NEIL1: variants seen among roughly 807,000 people sequenced by gnomAD.
The protein encoded by NEIL1 is nei like DNA glycosylase 1, also known as endonuclease 8-like 1.
Under a neutral mutation model 44.2 loss-of-function variants are expected in NEIL1, and 31 were observed. That is an observed-to-expected ratio of 0.70 (90% CI 0.53 to 0.95). The LOEUF is 0.95. NEIL1 is among the 40% of genes least tolerant of loss of function. NEIL1 has a pLI of 0.00. For synonymous variants in NEIL1, 254 were observed against 209.7 expected (o/e 1.21, Z -1.83); for missense variants, 549 against 515.5 (o/e 1.07, Z -0.63).
At chr15:75,351,969 T>C (rs1045184176) in intron 2 of NEIL1, 142 bp from the exon 3 acceptor site, 42 of 723,554 alleles carry the variant, frequency 5.8e-5, no homozygotes, top group South Asian at 2.2e-4. Context: ...ATTTAACAGA[T>C]AGGAAAACGG....
At chr15:75,349,378 C>A in intron 2 of NEIL1, 39 bp downstream of exon 2, 1 of 1,544,648 alleles carries the variant, frequency 6.5e-7, no homozygotes, top group Non-Finnish European at 8.8e-7. Context: ...TAGTCGCGGG[C>A]TCCACACCTG....
chr15:75,354,356 C>G, intron 7 of NEIL1, 75 bp from the exon 8 acceptor site: 1 of 1,611,118 alleles, frequency 6.2e-7, no homozygotes, highest in Non-Finnish European at 8.5e-7. Flanking sequence ...CCTTCTCCAC[C>G]CTATCCCCCT....
rs5745931 is a variant in NEIL1 at position 75,354,511 on chromosome 15, G to A, written c.936+19G>A. The A allele has an allele frequency of 2.7e-5, 44 of 1,613,790 alleles. No individual in the cohort carries two copies. Among genetic ancestry groups the A allele is most frequent in the African/African-American group, 2.7e-4 (20 of 74,916 alleles). On this transcript the variant is annotated intron_variant, in intron 8 of 9. Coordinates refer to ENST00000355059, the MANE Select transcript of NEIL1 (RefSeq NM_024608.4). ...AGTGGAGGTATGGCTGCCTGCTCCC[G>A]CCTCCTCCCCTGCACTCTGCAGCCC...
Position 75,355,688 on chromosome 15 carries a change from G to A in NEIL1, c.*654G>A. The A allele has an allele frequency of 1.8e-6, 1 of 563,572 alleles. No individual in the cohort carries two copies. Among genetic ancestry groups the A allele is most frequent in the Non-Finnish European group, 3.1e-6 (1 of 319,944 alleles). 34.9% of individuals were successfully genotyped at this position (563,572 alleles called of 1,614,324 possible). A position where few individuals can be genotyped will look rare whatever the true frequency, so the allele number is the denominator to read the frequency against. On this transcript the variant is annotated 3_prime_UTR_variant, in exon 10 of 10. Coordinates refer to ENST00000355059, the MANE Select transcript of NEIL1 (RefSeq NM_024608.4). ...GACCCTGCACGCACAGGTACCTTAG[G>A]ATCTTGCCCCTACCCACCAAATACC...
intron 2 of NEIL1, 190 bp downstream of exon 2, chr15:75,349,529 T>C: frequency 1.6e-6 from 1 of 611,338 alleles, no homozygotes; most frequent in Non-Finnish European, 2.8e-6. Flanking sequence ...CAAAACTAAT[T>C]GGGGGCCGGG....
At chr15:75,353,974 A>G (rs2072139693) in intron 6 of NEIL1, 108 bp downstream of exon 6, 10 of 1,420,868 alleles carry the variant, frequency 7.0e-6, no homozygotes, top group South Asian at 1.2e-5. Context: ...TAGACCCTCC[A>G]AGGACCACAC....
intron 2 of NEIL1, among the ~76,000 whole-genome samples, chr15:75,350,581 G>T (rs1244898472): frequency 6.6e-6 from 1 of 152,166 alleles, no homozygotes; most frequent in East Asian, 1.9e-4. Flanking sequence ...CTGTGCGTCC[G>T]TTGACCCTTA....
chr15:75,352,701 G>C lies in NEIL1; in HGVS notation c.718G>C (p.Gly240Arg). Residue 240 changes from glycine to arginine, a missense_variant and splice_region_variant, in exon 5 of 10, where the codon GGG becomes CGG. Physicochemically the swap from Gly to Arg is moderately radical, Grantham distance 125. Transcript: ENST00000355059. ...AGTGCCCAAGGAAGTGGTCCAGTTG[G>C]GTGAGGCCAAAGATGGCAGCAACCT... The part of the protein sequence containing the change: ...HSVPKEVVQL[G>R]GKGYGSESGE... 6.2e-7 allele frequency: 1 copy of C among 1,608,828 alleles called. No individual in the cohort carries two copies. The highest frequency in any genetic ancestry group is 8.5e-7 in the Non-Finnish European group (1 of 1,177,522).
chr15:75,349,196 C>G lies in NEIL1; in HGVS notation c.291C>G (p.Ala97=). The change falls in exon 2 of 10, where the codon GCC becomes GCG. Residue 97 remains alanine (A), a synonymous_variant. Coordinates refer to ENST00000355059, the MANE Select transcript of NEIL1 (RefSeq NM_024608.4). ...LVPREELPRH[A]HLRFYTAPPG... ...CCCGCGAGGAGCTGCCACGCCATGC[C>G]CACCTGCGCTTTTACACGGCCCCGC... is the stretch of plus-strand genomic sequence containing the variant. 1 of 1,609,278 alleles carries G rather than the reference C, an allele frequency of 6.2e-7. No homozygotes were observed. Among genetic ancestry groups the G allele is most frequent in the African/African-American group, 1.3e-5 (1 of 75,068 alleles).
intron 5 of NEIL1, chr15:75,353,169 G>A (rs968813493): frequency 4.4e-5 from 8 of 179,884 alleles, no homozygotes; most frequent in Non-Finnish European, 7.1e-5. Flanking sequence ...AAAAAACAGT[G>A]TTTCCTCCAA....
At position 75,349,036 on chromosome 15, in the gene NEIL1, C is replaced by A. The variant is rs1348165160; in HGVS notation, c.131C>A (p.Ala44Asp). The change falls in exon 2 of 10, where the codon GCC (alanine) becomes GAC (aspartate). Residue 44 changes from alanine to aspartate, a missense_variant. Ala to Asp is a moderately radical substitution (Grantham distance 126, BLOSUM62 -2). Transcript: ENST00000355059. The stretch of plus-strand genomic sequence containing the variant: ...CCTGAGGTGCCCTTTGAGAGCAGTG[C>A]CTACCGCATCTCAGCTTCAGCCCGC... ...RNPEVPFESS[A>D]YRISASARGK... 1.2e-6 allele frequency: 2 copies of A among 1,613,724 alleles called. No individual in the cohort carries two copies. Among genetic ancestry groups the A allele is most frequent in the Admixed American group, 1.7e-5 (1 of 60,030 alleles).
chr15:75,355,784 C>A lies in NEIL1; in HGVS notation c.*750C>A. On this transcript the variant is annotated 3_prime_UTR_variant, in exon 10 of 10. Coordinates refer to ENST00000355059, the MANE Select transcript of NEIL1 (RefSeq NM_024608.4). ...GAGGATGGGCCCTAAGGGGACTGAGCAGCAGGGTTCCCGATCCAAGGATTT... is the reference window on the plus strand; with the variant it reads ...GAGGATGGGCCCTAAGGGGACTGAGAAGCAGGGTTCCCGATCCAAGGATTT... The A allele has an allele frequency of 2.6e-6, 3 of 1,174,980 alleles. No homozygotes were observed. Among genetic ancestry groups the A allele is most frequent in the Non-Finnish European group, 3.6e-6 (3 of 843,796 alleles). 72.8% of individuals were successfully genotyped at this position (1,174,980 alleles called of 1,614,324 possible). A position where few individuals can be genotyped will look rare whatever the true frequency, so the allele number is the denominator to read the frequency against.
rs752869452 is a variant in NEIL1, at chr15:75,356,395, AG to A, written c.*1366del. The A allele has an allele frequency of 1.3e-5, 21 of 1,610,532 alleles. No homozygotes were observed. Among genetic ancestry groups the A allele is most frequent in the Non-Finnish European group, 1.6e-5 (19 of 1,178,796 alleles). Reference sequence around the variant, plus strand: ...TGGGCTGGGGGCTGGCAGAGCCAACAGGGGGAAGTTTAGGCTGTAGGCAGCT... The same window carrying A: ...TGGGCTGGGGGCTGGCAGAGCCAACAGGGGAAGTTTAGGCTGTAGGCAGCT... On this transcript the variant is annotated 3_prime_UTR_variant, in exon 10 of 10. Coordinates refer to ENST00000355059, the MANE Select transcript of NEIL1 (RefSeq NM_024608.4). This position sits in a 1 kb window ranked among gnomAD's most constrained non-coding sequence, Gnocchi z 5.8.
At chr15:75,352,487 C>A in intron 4 of NEIL1, 100 bp downstream of exon 4, 1 of 1,557,626 alleles carries the variant, frequency 6.4e-7, no homozygotes, top group Non-Finnish European at 8.8e-7. Context: ...CTTAGCTCAA[C>A]AACAGGGGTG....
In NEIL1 at chr15:75,349,201, T is replaced by C; in HGVS notation, c.296T>C (p.Leu99Pro). The change falls in exon 2 of 10, where the codon CTG (leucine) becomes CCG (proline). Residue 99 changes from leucine to proline, a missense_variant. Physicochemically the swap from Leu to Pro is moderately conservative, Grantham distance 98. Transcript: ENST00000355059. ...PREELPRHAH[L>P]RFYTAPPGPR... ...GAGGAGCTGCCACGCCATGCCCACC[T>C]GCGCTTTTACACGGCCCCGCCTGGC... The C allele has an allele frequency of 6.2e-7, 1 of 1,609,254 alleles. No homozygotes were observed. The highest frequency in any genetic ancestry group is 8.5e-7 in the Non-Finnish European group (1 of 1,179,894).
chr15:75,351,627 GTTTTT>G (rs1173066837), intron 2 of NEIL1, among the ~76,000 whole-genome samples: 13 of 151,754 alleles, frequency 8.6e-5, no homozygotes, highest in Admixed American at 2.6e-4. Flanking sequence ...TTTTAATTTT[GTTTTT>G]ATTTTTTGAG....
intron 2 of NEIL1, among the ~76,000 whole-genome samples, chr15:75,350,142 T>G (rs2071769087): frequency 6.6e-6 from 1 of 152,254 alleles, no homozygotes; most frequent in African/African-American, 2.4e-5. Flanking sequence ...CTTCCCTGCC[T>G]GCAGTAGGGT....
In NEIL1 at chr15:75,356,390, C is replaced by A; in HGVS notation, c.*1356C>A. On this transcript the variant is annotated 3_prime_UTR_variant, in exon 10 of 10. Transcript: ENST00000355059. The surrounding 1 kb of genome is among the most constrained non-coding windows in gnomAD (Gnocchi z 5.8). ...GGCGCTGGGCTGGGGGCTGGCAGAGCCAACAGGGGGAAGTTTAGGCTGTAG... is the reference window on the plus strand; with the variant it reads ...GGCGCTGGGCTGGGGGCTGGCAGAGACAACAGGGGGAAGTTTAGGCTGTAG... The A allele has an allele frequency of 6.2e-7, 1 of 1,611,218 alleles. No individual in the cohort carries two copies. Among genetic ancestry groups the A allele is most frequent in the Non-Finnish European group, 8.5e-7 (1 of 1,179,052 alleles).
chr15:75,349,368 T>TA (rs2071703885), intron 2 of NEIL1, 29 bp downstream of exon 2: 1 of 1,565,412 alleles, frequency 6.4e-7, no homozygotes, highest in African/African-American at 1.4e-5. Context: ...GTGATGAACA[T>TA]AGTCGCGGGC....
Sources: gnomAD v4.1 joint callset for allele counts (sites outside exome capture counted in the v4.1 genomes callset) on GRCh38, gnomAD v4.1.1 for gene constraint, Gnocchi (gnomAD v3.1) non-coding constraint, MANE v1.5 for transcripts, NCBI Gene and HGNC (gene_info 2026-07-23, HGNC 2026-07-21) for gene names.